RASSF3: variants seen among roughly 807,000 people sequenced by gnomAD.
The protein encoded by RASSF3 is ras association domain-containing protein 3.
Under a neutral mutation model 19.9 loss-of-function variants are expected in RASSF3, and 19 were observed. The ratio of observed to expected loss-of-function variants is 0.96; its 90% CI spans 0.67 to 1.40. The LOEUF is 1.40. Ranked by LOEUF, RASSF3 falls within the 40% of genes most tolerant of loss-of-function variation. RASSF3 has a pLI of 0.00. For synonymous variants in RASSF3, 110 were observed against 104.2 expected (o/e 1.06, Z -0.34); for missense variants, 306 against 289.8 (o/e 1.06, Z -0.41).
chr12:64,575,834 A>G (rs753942885), intron 2 of RASSF3: 5 of 151,690 alleles, frequency 3.3e-5, no homozygotes, highest in Middle Eastern at 6.8e-3. Flanking sequence ...AAATATGTCA[A>G]TTGTCCCCAA....
At position 64,577,260 on chromosome 12, in the gene RASSF3, TG is replaced by T. The variant is rs556720295; in HGVS notation, c.294+35556del. ...ATTTCTAGCCCTGTTGACAGACTGA[TG>T]ATGAAACTCATGCATGCCCTTTAAG... On this transcript the variant is annotated intron_variant, in intron 2 of 5. Transcript: ENST00000637125. Among the ~76,000 whole-genome samples, 44 of 152,370 alleles carry T rather than the reference TG, an allele frequency of 2.9e-4. 1 individual carries two copies. In the South Asian group the frequency reaches 7.7e-3, roughly 27 times the overall value.
chr12:64,583,616 C>T (rs368591953), intron 2 of RASSF3, among the ~76,000 whole-genome samples: 3 of 152,104 alleles, frequency 2.0e-5, no homozygotes, highest in South Asian at 2.1e-4. Flanking sequence ...AGTGAGACTC[C>T]GTCTCAAAAA....
intron 1 of RASSF3, among the ~76,000 whole-genome samples, chr12:64,527,027 T>C (rs1306973680): frequency 6.6e-6 from 1 of 152,240 alleles, no homozygotes; most frequent in Non-Finnish European, 1.5e-5. Context: ...TCTTGATTAA[T>C]TCATCTGTCC....
At chr12:64,588,394 C>CT (rs1016386433) in intron 2 of RASSF3, among the ~76,000 whole-genome samples, 2 of 152,006 alleles carry the variant, frequency 1.3e-5, no homozygotes, top group South Asian at 2.1e-4. Context: ...TTTAAAATAC[C>CT]TTTTTTTCTG....
intron 2 of RASSF3, among the ~76,000 whole-genome samples, chr12:64,602,852 A>C (rs1435445529): frequency 1.3e-5 from 2 of 152,232 alleles, no homozygotes; most frequent in African/African-American, 2.4e-5. Flanking sequence ...CTGTAATCCC[A>C]GCACTTGGGA....
intron 2 of RASSF3, among the ~76,000 whole-genome samples, chr12:64,579,745 A>G (rs1471044427): frequency 6.6e-6 from 1 of 151,370 alleles, no homozygotes; most frequent in Non-Finnish European, 1.5e-5. Context: ...TCCAGAAACT[A>G]TAAGAGATTA....
rs1027260840 is a variant in RASSF3, at chr12:64,656,030, A to G, written c.112-28757A>G. On this transcript the variant is annotated intron_variant, in intron 1 of 4. Coordinates refer to ENST00000542104, the MANE Select transcript of RASSF3 (RefSeq NM_178169.4). Reference sequence around the variant, plus strand: ...CAACAGAGTGAGACTTTGTCTCAGAAAAAAAAAAAAAAAAAATTATAAATC... The same window carrying G: ...CAACAGAGTGAGACTTTGTCTCAGAGAAAAAAAAAAAAAAAATTATAAATC... Among the ~76,000 whole-genome samples, 18 of 58,066 alleles carry G rather than the reference A, an allele frequency of 3.1e-4. No homozygotes were observed. The South Asian group carries it at 8.1e-3, about 26-fold the overall frequency. The allele number at this position is 58,066 out of a possible 152,430, so 38.1% of individuals were successfully genotyped here.
At chr12:64,660,014 ATGTG>A (rs35834353) in intron 1 of RASSF3, among the ~76,000 whole-genome samples, 10 of 148,246 alleles carry the variant, frequency 6.7e-5, no homozygotes, top group Non-Finnish European at 7.4e-5. Flanking sequence ...GTGTATATAT[ATGTG>A]TGTGTGTGTA....
chr12:64,540,889 AC>A (rs1200421713), intron 1 of RASSF3, among the ~76,000 whole-genome samples: 1 of 151,940 alleles, frequency 6.6e-6, no homozygotes, highest in Non-Finnish European at 1.5e-5. Flanking sequence ...TCTCAACTCA[AC>A]CTCCCAAGTA....
intron 2 of RASSF3, among the ~76,000 whole-genome samples, chr12:64,556,527 G>A (rs1227782443): frequency 2.0e-5 from 3 of 152,060 alleles, no homozygotes; most frequent in South Asian, 2.1e-4. Context: ...TGCAGGAATC[G>A]GCCTACATGA....
At chr12:64,554,778 G>A (rs978341383) in intron 2 of RASSF3, among the ~76,000 whole-genome samples, 1 of 152,146 alleles carries the variant, frequency 6.6e-6, no homozygotes, top group Non-Finnish European at 1.5e-5. Flanking sequence ...CTTGTTTATT[G>A]TCTATCTTCT....
chr12:64,561,717 T>TTTTTTC (rs1869349927), intron 2 of RASSF3, among the ~76,000 whole-genome samples: 1 of 140,998 alleles, frequency 7.1e-6, no homozygotes, highest in African/African-American at 2.7e-5. Flanking sequence ...GCATTTATCT[T>TTTTTTC]TTTTTTTTTT....
At chr12:64,660,119 T>C (rs1047017131) in intron 1 of RASSF3, among the ~76,000 whole-genome samples, 1 of 151,904 alleles carries the variant, frequency 6.6e-6, no homozygotes, top group African/African-American at 2.4e-5. Flanking sequence ...GCACGCACTA[T>C]GTTGCCCAGG....
intron 1 of RASSF3, among the ~76,000 whole-genome samples, chr12:64,525,773 T>C (rs1387974154): frequency 6.6e-6 from 1 of 152,192 alleles, no homozygotes; most frequent in Non-Finnish European, 1.5e-5. Context: ...GAGTTTCTTA[T>C]ATTACTGTAG....
At chr12:64,683,810 A>G (rs1873225222) in intron 1 of RASSF3, among the ~76,000 whole-genome samples, 1 of 152,212 alleles carries the variant, frequency 6.6e-6, no homozygotes, top group Non-Finnish European at 1.5e-5. Flanking sequence ...AAATTTAGCA[A>G]TGACAGTTTT....
intron 1 of RASSF3, among the ~76,000 whole-genome samples, chr12:64,630,543 TA>T (rs1282555400): frequency 2.6e-5 from 4 of 151,804 alleles, no homozygotes; most frequent in Non-Finnish European, 2.9e-5. Flanking sequence ...AAACGAAATT[TA>T]AAAAAAGGGT....
chr12:64,619,741 G>A (rs1319499568), intron 1 of RASSF3, among the ~76,000 whole-genome samples: 1 of 152,112 alleles, frequency 6.6e-6, no homozygotes, highest in East Asian at 1.9e-4. Context: ...CAGCACATTG[G>A]GAGGCCAAGG....
intron 1 of RASSF3, among the ~76,000 whole-genome samples, chr12:64,514,540 G>A (rs1260985662): frequency 2.0e-5 from 3 of 152,272 alleles, no homozygotes; most frequent in East Asian, 1.9e-4. Context: ...AAGCAGGGCT[G>A]TGTGGGAAGA....
chr12:64,681,727 T>C (rs749816863), intron 1 of RASSF3, among the ~76,000 whole-genome samples: 4 of 152,216 alleles, frequency 2.6e-5, no homozygotes, highest in African/African-American at 9.6e-5. Flanking sequence ...TAAAACTTCA[T>C]TGGGGCTCAG....
Sources: allele counts gnomAD v4.1 joint callset (sites outside exome capture counted in the v4.1 genomes callset), GRCh38; gene constraint gnomAD v4.1.1; transcripts MANE v1.5; gene names NCBI Gene and HGNC (gene_info 2026-07-23, HGNC 2026-07-21).